Variants in CCSER1 observed in about 807,000 individuals in gnomAD.
The protein encoded by CCSER1 is coiled-coil serine rich protein 1.
Under a neutral mutation model 82.0 loss-of-function variants are expected in CCSER1, and 41 were observed. The observed-to-expected ratio is 0.50, with a 90% CI of 0.39 to 0.65. The LOEUF (loss-of-function observed/expected upper bound fraction) is 0.65. Ranked by LOEUF, CCSER1 falls within the 30% of genes least tolerant of loss-of-function variation. CCSER1 has a pLI of 0.00. For synonymous variants in CCSER1, 414 were observed against 383.9 expected (o/e 1.08, Z -0.92); for missense variants, 1,119 against 1,064.2 (o/e 1.05, Z -0.72).
rs191506721 is a variant in CCSER1 at position 90,764,352 on chromosome 4, A to T, written c.2010+40361A>T. Among the ~76,000 whole-genome samples, 477 of 152,348 alleles carry T rather than the reference A, an allele frequency of 3.1e-3. 1 individual carries two copies. Among genetic ancestry groups the T allele is most frequent in the African/African-American group, 0.011 (441 of 41,588 alleles). On this transcript the variant is annotated intron_variant, in intron 7 of 10. Transcript: ENST00000509176. ...TAGAGTATAAGTAGAACTATAATCC[A>T]TGAAGCCATTCATCTGCTATACAGA...
At chr4:91,485,563 C>T (rs571110635) in intron 10 of CCSER1, among the ~76,000 whole-genome samples, 4 of 152,118 alleles carry the variant, frequency 2.6e-5, no homozygotes, top group Non-Finnish European at 5.9e-5. Context: ...CTGTAGTGAA[C>T]TCACTTGTAC....
At chr4:91,303,849 G>T (rs543131961) in intron 10 of CCSER1, among the ~76,000 whole-genome samples, 32 of 151,826 alleles carry the variant, frequency 2.1e-4, no homozygotes, top group African/African-American at 7.5e-4. Context: ...AACTACCCAG[G>T]ATAAAATAAA....
At chr4:90,330,177 C>T (rs2153495038) in intron 3 of CCSER1, among the ~76,000 whole-genome samples, 1 of 152,164 alleles carries the variant, frequency 6.6e-6, no homozygotes, top group South Asian at 2.1e-4. Flanking sequence ...ACTTGTCTTT[C>T]TTCTTTCTTT....
Position 90,532,586 on chromosome 4 carries a change from T to A in CCSER1, c.1724+64232T>A, listed in dbSNP as rs191307881. Among the ~76,000 whole-genome samples the A allele has an allele frequency of 9.2e-5, 14 of 152,270 alleles. No individual in the cohort carries two copies. The East Asian group carries it at 2.3e-3, about 25-fold the overall frequency. On this transcript the variant is annotated intron_variant, in intron 5 of 10. Coordinates refer to ENST00000509176, the MANE Select transcript of CCSER1 (RefSeq NM_001145065.2). ...GCTTTGCATAACATATGGTGCCTGGTGCACGTTTGCTGTTGTAGCATGAAA... is the reference window on the plus strand; with the variant it reads ...GCTTTGCATAACATATGGTGCCTGGAGCACGTTTGCTGTTGTAGCATGAAA...
intron 6 of CCSER1, among the ~76,000 whole-genome samples, chr4:90,702,656 T>C (rs2149283836): frequency 6.6e-6 from 1 of 152,314 alleles, no homozygotes; most frequent in African/African-American, 2.4e-5. Context: ...CAGAGCCTGT[T>C]ATTAGTCTAT....
At chr4:90,761,509 C>A (rs146950839) in intron 7 of CCSER1, among the ~76,000 whole-genome samples, 4 of 152,060 alleles carry the variant, frequency 2.6e-5, no homozygotes, top group Non-Finnish European at 4.4e-5. Context: ...GTCATTTGGC[C>A]TCCGAGTTAT....
At chr4:90,572,646 T>G (rs2153654774) in intron 5 of CCSER1, among the ~76,000 whole-genome samples, 1 of 152,228 alleles carries the variant, frequency 6.6e-6, no homozygotes, top group African/African-American at 2.4e-5. Context: ...TTTTTTCATT[T>G]ATTGTAGTTT....
chr4:90,457,095 T>C (rs1441876940), intron 4 of CCSER1, among the ~76,000 whole-genome samples: 1 of 152,142 alleles, frequency 6.6e-6, no homozygotes, highest in African/African-American at 2.4e-5. Context: ...GCACACTGGC[T>C]GGGGCTGGCG....
At chr4:90,135,464 A>G (rs1378162572) in intron 1 of CCSER1, among the ~76,000 whole-genome samples, 1 of 152,220 alleles carries the variant, frequency 6.6e-6, no homozygotes. Flanking sequence ...AGCAGACACC[A>G]GAAAACACAA....
At chr4:90,189,522 G>T (rs1735226771) in intron 1 of CCSER1, among the ~76,000 whole-genome samples, 1 of 151,712 alleles carries the variant, frequency 6.6e-6, no homozygotes, top group African/African-American at 2.4e-5. Context: ...ATATAGATGT[G>T]TGTATGTATG....
intron 3 of CCSER1, among the ~76,000 whole-genome samples, chr4:90,318,496 G>A (rs1736557342): frequency 6.6e-6 from 1 of 152,194 alleles, no homozygotes; most frequent in African/African-American, 2.4e-5. Flanking sequence ...TGTGGAAACT[G>A]TGAATGACAC....
rs183148480 is a variant in CCSER1, at chr4:91,014,449, C to A, written c.2173-71501C>A. On this transcript the variant is annotated intron_variant, in intron 9 of 10. Transcript: ENST00000509176. ...CTACTTCTCCACACCACGTCCTACT[C>A]CTAAATTTGTGCTATAAAATCTGCT... 1.0e-4 allele frequency among the ~76,000 whole-genome samples: 14 copies of A among 134,196 alleles called. 5 individuals are homozygous for A. The highest frequency in any genetic ancestry group is 1.0e-3 in the Admixed American group (14 of 13,470). The allele number at this position is 134,196 out of a possible 152,430, so 88.0% of individuals were successfully genotyped here.
intron 1 of CCSER1, among the ~76,000 whole-genome samples, chr4:90,170,210 A>G (rs933101607): frequency 1.3e-5 from 2 of 152,064 alleles, no homozygotes; most frequent in Non-Finnish European, 2.9e-5. Context: ...TAGTATATCT[A>G]CAAATAATTT....
chr4:91,306,743 C>A (rs1249460877), intron 10 of CCSER1, among the ~76,000 whole-genome samples: 2 of 151,996 alleles, frequency 1.3e-5, no homozygotes, highest in Admixed American at 1.3e-4. Flanking sequence ...ACTGTTCTCA[C>A]AATGAAGTGT....
In CCSER1 at chr4:90,286,255, A is replaced by G. The variant is rs11935149; in HGVS notation, c.-41-21989A>G. 6.4e-3 allele frequency among the ~76,000 whole-genome samples: 968 copies of G among 152,044 alleles called. 9 individuals are homozygous for G. Among genetic ancestry groups the G allele is most frequent in the African/African-American group, 0.023 (939 of 41,540 alleles). ...TTTGGTAGAAGTTAGCAGTAAAGCT[A>G]TCAGGTCCTGGGCTTTTTTTCATTG... On this transcript the variant is annotated intron_variant, in intron 1 of 10. Transcript: ENST00000509176.
intron 8 of CCSER1, chr4:90,911,184 C>G: frequency 4.7e-6 from 2 of 421,988 alleles, no homozygotes; most frequent in Admixed American, 2.8e-5. Context: ...TATAAGTCTC[C>G]CTTTTTTTCA....
intron 9 of CCSER1, among the ~76,000 whole-genome samples, chr4:91,046,373 C>T (rs943812519): frequency 2.6e-5 from 4 of 151,946 alleles, no homozygotes; most frequent in Non-Finnish European, 5.9e-5. Context: ...TTTTCTATGG[C>T]TTCATAATAC....
chr4:90,597,529 A>T (rs962424758), intron 5 of CCSER1, among the ~76,000 whole-genome samples: 1 of 151,984 alleles, frequency 6.6e-6, no homozygotes, highest in African/African-American at 2.4e-5. Context: ...ATTTTCTTTA[A>T]TTTTTTTTAA....
At chr4:90,375,881 A>C (rs1748222631) in intron 3 of CCSER1, among the ~76,000 whole-genome samples, 1 of 152,160 alleles carries the variant, frequency 6.6e-6, no homozygotes, top group African/African-American at 2.4e-5. Context: ...GACTAGATTC[A>C]AGTATTCAAA....
Sources: allele counts gnomAD v4.1 joint callset (sites outside exome capture counted in the v4.1 genomes callset), GRCh38; gene constraint gnomAD v4.1.1; transcripts MANE v1.5; gene names NCBI Gene and HGNC (gene_info 2026-07-23, HGNC 2026-07-21).